TPST2: variants seen among roughly 807,000 people sequenced by gnomAD.
The protein encoded by TPST2 is tyrosylprotein sulfotransferase 2.
In TPST2, 16 loss-of-function variants were observed where a neutral mutation model predicts 27.8. That is an observed-to-expected ratio of 0.58 (90% CI 0.39 to 0.88). The LOEUF is 0.88. TPST2 is among the 40% of genes least tolerant of loss of function. The pLI is 0.00. For missense variants in TPST2, 464 were observed against 543.1 expected (o/e 0.85, Z 1.45); for synonymous variants, 229 against 231.7 (o/e 0.99, Z 0.10).
intron 1 of TPST2, among the ~76,000 whole-genome samples, chr22:26,548,191 C>T (rs888763571): frequency 6.6e-6 from 1 of 152,120 alleles, no homozygotes; most frequent in African/African-American, 2.4e-5. Flanking sequence ...AAACGCTCAT[C>T]GGATGTGGGG....
intron 6 of TPST2, among the ~76,000 whole-genome samples, chr22:26,527,849 G>A (rs777646278): frequency 1.7e-4 from 26 of 152,342 alleles, no homozygotes; most frequent in Non-Finnish European, 3.4e-4. Flanking sequence ...CAACGCTGAT[G>A]CTGTTTTTAG....
At chr22:26,575,806 C>A (rs1216377848) in intron 1 of TPST2, among the ~76,000 whole-genome samples, 1 of 152,110 alleles carries the variant, frequency 6.6e-6, no homozygotes, top group African/African-American at 2.4e-5. Context: ...CCAGCCTGAC[C>A]ACCATGGTGA....
intron 1 of TPST2, among the ~76,000 whole-genome samples, chr22:26,579,782 AACAG>A (rs1397392006): frequency 1.3e-5 from 2 of 152,236 alleles, no homozygotes; most frequent in African/African-American, 2.4e-5. Flanking sequence ...GAGAGAAAAA[AACAG>A]ACAGAGGCAG....
intron 1 of TPST2, among the ~76,000 whole-genome samples, chr22:26,577,027 C>T (rs1309891587): frequency 4.9e-5 from 7 of 143,118 alleles, no homozygotes; most frequent in Admixed American, 2.2e-4. Context: ...ACCCGGGAGG[C>T]GGAGCTTGCA....
chr22:26,548,742 G>A (rs1287999319), intron 1 of TPST2, among the ~76,000 whole-genome samples: 1 of 151,240 alleles, frequency 6.6e-6, no homozygotes, highest in Non-Finnish European at 1.5e-5. Flanking sequence ...CAGGAGGCTC[G>A]CTTGAGCCCA....
intron 1 of TPST2, among the ~76,000 whole-genome samples, chr22:26,578,971 C>G (rs1927977738): frequency 6.6e-6 from 1 of 151,926 alleles, no homozygotes; most frequent in Admixed American, 6.6e-5. Flanking sequence ...CCCACCTCAG[C>G]CTCCAAAGTA....
intron 1 of TPST2, chr22:26,561,090 G>C (rs1569190212): frequency 3.1e-6 from 5 of 1,606,986 alleles, no homozygotes; most frequent in Non-Finnish European, 4.2e-6. Context: ...GGAAGAGGAG[G>C]AAGATGAGGA....
intron 1 of TPST2, among the ~76,000 whole-genome samples, chr22:26,549,689 G>GA (rs1231393613): frequency 1.9e-4 from 26 of 137,558 alleles, no homozygotes; most frequent in Middle Eastern, 3.9e-3. Context: ...AAAGAAAAAA[G>GA]AAAAAAAAAA....
intron 1 of TPST2, among the ~76,000 whole-genome samples, chr22:26,585,690 C>T (rs1469436993): frequency 2.0e-5 from 3 of 152,158 alleles, no homozygotes; most frequent in African/African-American, 7.2e-5. Flanking sequence ...TGGTCACCAA[C>T]CCCAGGCTGT....
intron 1 of TPST2, among the ~76,000 whole-genome samples, chr22:26,549,834 T>C (rs923363640): frequency 5.2e-5 from 7 of 133,892 alleles, no homozygotes; most frequent in Non-Finnish European, 1.1e-4. Context: ...ATCGAGACCA[T>C]CCTGGCTAAC....
intron 1 of TPST2, among the ~76,000 whole-genome samples, chr22:26,550,282 G>C (rs1011161115): frequency 6.6e-6 from 1 of 152,164 alleles, no homozygotes; most frequent in Non-Finnish European, 1.5e-5. Flanking sequence ...TCATAGAGCT[G>C]ACATTCCAGT....
At chr22:26,545,194 G>A (rs1238462902) in intron 1 of TPST2, among the ~76,000 whole-genome samples, 3 of 152,106 alleles carry the variant, frequency 2.0e-5, no homozygotes, top group Non-Finnish European at 4.4e-5. Flanking sequence ...ACCTAACACT[G>A]ACCAAATGCT....
chr22:26,573,162 T>C (rs1927698170), intron 1 of TPST2, among the ~76,000 whole-genome samples: 3 of 152,078 alleles, frequency 2.0e-5, no homozygotes, highest in Admixed American at 6.5e-5. Flanking sequence ...GCCCCTCGAG[T>C]AGAGAGGACC....
chr22:26,577,058 T>G (rs1408607518), intron 1 of TPST2, among the ~76,000 whole-genome samples: 1 of 141,884 alleles, frequency 7.0e-6, no homozygotes, highest in Non-Finnish European at 1.5e-5. Flanking sequence ...ATTGCGCCAC[T>G]GCACTCCAGC....
intron 6 of TPST2, among the ~76,000 whole-genome samples, chr22:26,527,998 G>A (rs1346206785): frequency 3.3e-5 from 5 of 152,118 alleles, no homozygotes; most frequent in African/African-American, 1.2e-4. Context: ...CCCTCTCCCT[G>A]TCCTTGATCC....
At chr22:26,572,630 G>GAAT (rs546523646) in intron 1 of TPST2, among the ~76,000 whole-genome samples, 2 of 151,876 alleles carry the variant, frequency 1.3e-5, no homozygotes, top group African/African-American at 2.4e-5. Context: ...TGAATACCCC[G>GAAT]ACTAGATTAA....
intron 6 of TPST2, 131 bp downstream of exon 6, chr22:26,528,082 TG>T: frequency 2.1e-6 from 2 of 967,946 alleles, no homozygotes; most frequent in South Asian, 1.5e-5. Flanking sequence ...CTGATGGGGC[TG>T]GGTCAGCCCA....
chr22:26,528,832 ATT>A (rs765565128), intron 5 of TPST2, among the ~76,000 whole-genome samples: 1 of 152,022 alleles, frequency 6.6e-6, no homozygotes, highest in Non-Finnish European at 1.5e-5. Context: ...AAATACAAAA[ATT>A]AGCCGGGTGT....
chr22:26,564,163 C>A (rs1927265493), intron 1 of TPST2, among the ~76,000 whole-genome samples: 1 of 152,208 alleles, frequency 6.6e-6, no homozygotes, highest in Non-Finnish European at 1.5e-5. Context: ...CGCCAGGGGC[C>A]AATGACCTCT....
Sources: gnomAD v4.1 joint callset for allele counts (sites outside exome capture counted in the v4.1 genomes callset) on GRCh38, gnomAD v4.1.1 for gene constraint, MANE v1.5 for transcripts, NCBI Gene and HGNC (gene_info 2026-07-23, HGNC 2026-07-21) for gene names.